Variants in NXPH2 observed in about 807,000 individuals in gnomAD.
NXPH2 encodes the protein neurexophilin-2.
NXPH2 carries 5 observed loss-of-function variants against 19.8 expected under a neutral mutation model. That is an observed-to-expected ratio of 0.25 (90% CI 0.13 to 0.53). The LOEUF (loss-of-function observed/expected upper bound fraction) is 0.53. Ranked by LOEUF, NXPH2 falls within the 20% of genes least tolerant of loss-of-function variation. The pLI, the probability that NXPH2 is intolerant of heterozygous loss-of-function variation, is 0.96. For missense variants in NXPH2, 289 were observed against 322.8 expected (o/e 0.90, Z 0.80); for synonymous variants, 154 against 127.4 (o/e 1.21, Z -1.41).
At chr2:138,748,724 T>C (rs993842359) in intron 1 of NXPH2, among the ~76,000 whole-genome samples, 1 of 152,126 alleles carries the variant, frequency 6.6e-6, no homozygotes, top group African/African-American at 2.4e-5. Flanking sequence ...AGCTTCTACT[T>C]ACTGACTATT....
At chr2:138,704,634 T>G (rs900883676) in intron 1 of NXPH2, among the ~76,000 whole-genome samples, 18 of 152,130 alleles carry the variant, frequency 1.2e-4, no homozygotes, top group African/African-American at 4.3e-4. Flanking sequence ...AAGATTCTAC[T>G]GTAGTGATAT....
chr2:138,739,042 C>T (rs748558133), intron 1 of NXPH2, among the ~76,000 whole-genome samples: 1 of 152,008 alleles, frequency 6.6e-6, no homozygotes, highest in South Asian at 2.1e-4. Context: ...CTAAATACAA[C>T]GAGTTAAAAT....
intron 1 of NXPH2, among the ~76,000 whole-genome samples, chr2:138,727,320 A>G (rs998939856): frequency 3.9e-5 from 6 of 152,184 alleles, no homozygotes; most frequent in African/African-American, 1.4e-4. Context: ...CTGCCTTCAA[A>G]GTGGCTAAAC....
intron 1 of NXPH2, among the ~76,000 whole-genome samples, chr2:138,712,145 ATG>A (rs942025963): frequency 1.3e-5 from 2 of 152,126 alleles, no homozygotes; most frequent in African/African-American, 4.8e-5. Flanking sequence ...CATGGAACTG[ATG>A]TGTGTGTGTG....
At chr2:138,760,574 G>T (rs1030162456) in intron 1 of NXPH2, among the ~76,000 whole-genome samples, 5 of 152,110 alleles carry the variant, frequency 3.3e-5, no homozygotes, top group Non-Finnish European at 7.4e-5. Context: ...AAACTAAGTA[G>T]AACTAGCTCC....
intron 1 of NXPH2, among the ~76,000 whole-genome samples, chr2:138,740,060 G>T (rs1221211020): frequency 6.6e-6 from 1 of 152,090 alleles, no homozygotes; most frequent in Admixed American, 6.5e-5. Context: ...TCACAATGGC[G>T]TTCCATATCC....
intron 1 of NXPH2, among the ~76,000 whole-genome samples, chr2:138,771,689 C>T (rs1682180078): frequency 6.6e-6 from 1 of 152,150 alleles, no homozygotes. Context: ...CCTGCTCCTG[C>T]AGGGAAGACC....
At chr2:138,730,870 TG>T (rs1681437190) in intron 1 of NXPH2, among the ~76,000 whole-genome samples, 1 of 152,064 alleles carries the variant, frequency 6.6e-6, no homozygotes, top group South Asian at 2.1e-4. Flanking sequence ...GGGTCTGGAG[TG>T]GTTTGTAATG....
At chr2:138,673,866 C>A (rs916177834) in intron 1 of NXPH2, among the ~76,000 whole-genome samples, 5 of 152,024 alleles carry the variant, frequency 3.3e-5, no homozygotes, top group African/African-American at 1.2e-4. Flanking sequence ...TGCTTCCCAA[C>A]CTTTGGTACT....
At chr2:138,723,635 T>C (rs1021062009) in intron 1 of NXPH2, among the ~76,000 whole-genome samples, 2 of 152,204 alleles carry the variant, frequency 1.3e-5, no homozygotes, top group Non-Finnish European at 2.9e-5. Flanking sequence ...CTGACATTTA[T>C]TGGGCCTCGC....
At chr2:138,760,285 C>G (rs1425163728) in intron 1 of NXPH2, among the ~76,000 whole-genome samples, 1 of 152,154 alleles carries the variant, frequency 6.6e-6, no homozygotes, top group Non-Finnish European at 1.5e-5. Context: ...TGCAAACCGT[C>G]TCCATTGCTC....
At chr2:138,680,716 T>A (rs1247546312) in intron 1 of NXPH2, among the ~76,000 whole-genome samples, 1 of 152,170 alleles carries the variant, frequency 6.6e-6, no homozygotes, top group Non-Finnish European at 1.5e-5. Context: ...AATTAATATC[T>A]TTATTTGGAT....
chr2:138,702,746 G>T (rs1199149354), intron 1 of NXPH2, among the ~76,000 whole-genome samples: 2 of 152,094 alleles, frequency 1.3e-5, no homozygotes, highest in Admixed American at 6.6e-5. Flanking sequence ...CATTGGATGT[G>T]AGAACTAAAT....
In NXPH2 at chr2:138,671,537, A is replaced by C; in HGVS notation, c.180T>G (p.Val60=). 1 of 1,613,996 alleles carries C rather than the reference A, an allele frequency of 6.2e-7. No individual in the cohort carries two copies. The highest frequency in any genetic ancestry group is 8.5e-7 in the Non-Finnish European group (1 of 1,179,882). Reference sequence around the variant, plus strand: ...CGGGCTTGGGCACCGGAGACTGTTTAACAAACAGGCGCAGGGGACTGATGA... The same window carrying C: ...CGGGCTTGGGCACCGGAGACTGTTTCACAAACAGGCGCAGGGGACTGATGA... The part of the protein sequence containing the change: ...SRIISPLRLF[V]KQSPVPKPGP... Residue 60 remains valine (V), a synonymous_variant, in exon 2 of 2, where the codon GTT becomes GTG. Coordinates refer to ENST00000272641, the MANE Select transcript of NXPH2 (RefSeq NM_007226.3).
chr2:138,715,812 A>C (rs956026066), intron 1 of NXPH2, among the ~76,000 whole-genome samples: 4 of 152,158 alleles, frequency 2.6e-5, no homozygotes, highest in African/African-American at 9.7e-5. Flanking sequence ...GATGTTTACT[A>C]GAATCCCTTC....
chr2:138,778,447 G>A (rs1682299363), intron 1 of NXPH2, among the ~76,000 whole-genome samples: 1 of 151,992 alleles, frequency 6.6e-6, no homozygotes, highest in Non-Finnish European at 1.5e-5. Flanking sequence ...ACTGACTATG[G>A]CGGTGTGGAA....
At chr2:138,749,653 G>A (rs1039360838) in intron 1 of NXPH2, among the ~76,000 whole-genome samples, 1 of 152,000 alleles carries the variant, frequency 6.6e-6, no homozygotes, top group South Asian at 2.1e-4. Context: ...AGATATTCAA[G>A]GTTTTGAAGA....
At chr2:138,759,961 C>T (rs961368135) in intron 1 of NXPH2, among the ~76,000 whole-genome samples, 9 of 151,986 alleles carry the variant, frequency 5.9e-5, no homozygotes, top group Non-Finnish European at 1.3e-4. Context: ...GATCTCCTGA[C>T]CTTGTGATCC....
chr2:138,682,073 T>G (rs1291120239), intron 1 of NXPH2, among the ~76,000 whole-genome samples: 1 of 152,202 alleles, frequency 6.6e-6, no homozygotes, highest in Non-Finnish European at 1.5e-5. Flanking sequence ...GTTAGATTGC[T>G]TTGACAGTAC....
Sources: allele counts gnomAD v4.1 joint callset (sites outside exome capture counted in the v4.1 genomes callset), GRCh38; gene constraint gnomAD v4.1.1; transcripts MANE v1.5; gene names NCBI Gene and HGNC (gene_info 2026-07-23, HGNC 2026-07-21).